FRAS1: variants seen among roughly 807,000 people sequenced by gnomAD.
The protein encoded by FRAS1 is extracellular matrix organizing protein FRAS1.
FRAS1 carries 290 observed loss-of-function variants against 435.2 expected under a neutral mutation model. The observed-to-expected ratio is 0.67, with a 90% CI of 0.61 to 0.73. The LOEUF (loss-of-function observed/expected upper bound fraction) is 0.73. Among genes scored for constraint, FRAS1 ranks in the 30% least tolerant of loss-of-function variants. The probability of loss-of-function intolerance (pLI) is 0.00; values close to 1 mark genes in which losing one functional copy is unlikely to be tolerated. For synonymous variants in FRAS1, 1,800 were observed against 1,851.0 expected, an observed-to-expected ratio of 0.97 and a Z score of 0.71; for missense variants, 4,860 against 5,001.5, an observed-to-expected ratio of 0.97 and a Z score of 0.85.
intron 61 of FRAS1, among the ~76,000 whole-genome samples, chr4:78,503,867 C>A (rs1333512594): frequency 6.6e-6 from 1 of 152,142 alleles, no homozygotes; most frequent in African/African-American, 2.4e-5. Flanking sequence ...TATAAATTTC[C>A]CTCTACACAC....
At chr4:78,094,918 TG>T (rs1011249708) in intron 2 of FRAS1, among the ~76,000 whole-genome samples, 22 of 152,120 alleles carry the variant, frequency 1.4e-4, no homozygotes, top group Non-Finnish European at 2.4e-4. Flanking sequence ...GGGGGCACTG[TG>T]GGGAATTAAG....
intron 22 of FRAS1, 58 bp downstream of exon 22, chr4:78,364,112 A>G (rs1305581320): frequency 2.6e-6 from 4 of 1,517,012 alleles, no homozygotes; most frequent in East Asian, 2.5e-5. Context: ...TTCTGGAGCC[A>G]TTGAAAGAAA....
intron 2 of FRAS1, among the ~76,000 whole-genome samples, chr4:78,092,478 C>T (rs188557799): frequency 6.6e-6 from 1 of 152,300 alleles, no homozygotes; most frequent in East Asian, 1.9e-4. Flanking sequence ...TGCAGAGAAA[C>T]TCCTGTTTTT....
At position 78,420,880 on chromosome 4, in the gene FRAS1, AT is replaced by A. The variant is rs1733754466; in HGVS notation, c.4541-982del. 8.7e-4 allele frequency among the ~76,000 whole-genome samples: 3 copies of A among 3,466 alleles called. No homozygotes were observed. In the East Asian group the frequency reaches 0.015, roughly 17 times the overall value. The allele number at this position is 3,466 out of a possible 152,430, so 2.3% of individuals were successfully genotyped here. ...TCTAGAGGGACAGAACTAATAGGAC[AT>A]ATATATATATATATATATATATATA... On this transcript the variant is annotated intron_variant, in intron 33 of 73. Coordinates refer to ENST00000512123, the MANE Select transcript of FRAS1 (RefSeq NM_025074.7).
At chr4:78,252,669 G>C in intron 5 of FRAS1, 118 bp downstream of exon 5, 3 of 1,015,160 alleles carry the variant, frequency 3.0e-6, no homozygotes, top group African/African-American at 1.6e-5. Context: ...AATGTTGGCT[G>C]GTCTGAGAAA....
At chr4:78,446,553 C>T in intron 42 of FRAS1, 174 bp from the exon 43 acceptor site, 1 of 1,372,868 alleles carries the variant, frequency 7.3e-7, no homozygotes, top group South Asian at 1.9e-5. Flanking sequence ...ATTTTGTTGC[C>T]TGGACTTGCT....
At chr4:78,271,611 A>G (rs1442794046) in intron 9 of FRAS1, among the ~76,000 whole-genome samples, 1 of 152,214 alleles carries the variant, frequency 6.6e-6, no homozygotes, top group Non-Finnish European at 1.5e-5. Flanking sequence ...GATGGTTTCC[A>G]GCTTCATCCA....
intron 66 of FRAS1, 90 bp from the exon 67 acceptor site, chr4:78,519,241 G>A (rs2109892300): frequency 4.4e-6 from 5 of 1,142,858 alleles, no homozygotes; most frequent in Non-Finnish European, 4.8e-6. Flanking sequence ...GACTACATGG[G>A]TGAATGAAAA....
intron 52 of FRAS1, among the ~76,000 whole-genome samples, chr4:78,472,599 A>G (rs1719742988): frequency 6.6e-6 from 1 of 152,192 alleles, no homozygotes; most frequent in Non-Finnish European, 1.5e-5. Context: ...GTTTTCTGGA[A>G]AAGAATGCAT....
chr4:78,309,809 A>C (rs959283070), intron 15 of FRAS1, among the ~76,000 whole-genome samples: 2 of 152,162 alleles, frequency 1.3e-5, no homozygotes, highest in African/African-American at 4.8e-5. Flanking sequence ...AAAGGTTTGA[A>C]TTGAGTTTAC....
At chr4:78,059,693 A>AG (rs1385349083) in intron 1 of FRAS1, among the ~76,000 whole-genome samples, 4 of 151,894 alleles carry the variant, frequency 2.6e-5, no homozygotes, top group Non-Finnish European at 5.9e-5. Context: ...ATAGCTCACC[A>AG]GGGGGCAGTT....
intron 2 of FRAS1, among the ~76,000 whole-genome samples, chr4:78,152,396 C>T (rs1333421905): frequency 6.6e-6 from 1 of 152,002 alleles, no homozygotes; most frequent in Non-Finnish European, 1.5e-5. Context: ...ACCAGCATGC[C>T]TTTGTTTAGG....
chr4:78,513,141 G>A (rs1166030308), intron 64 of FRAS1, among the ~76,000 whole-genome samples: 3 of 147,622 alleles, frequency 2.0e-5, no homozygotes, highest in Admixed American at 6.7e-5. Context: ...ATCTTTTCCT[G>A]TATAGAAAAA....
At chr4:78,420,918 A>ATATATATATATT (rs1167974462) in intron 33 of FRAS1, among the ~76,000 whole-genome samples, 9 of 118,912 alleles carry the variant, frequency 7.6e-5, no homozygotes, top group African/African-American at 3.0e-4. Flanking sequence ...ATATATATAT[A>ATATATATATATT]TATTTATATA....
chr4:78,209,218 G>A (rs140306372), intron 2 of FRAS1, among the ~76,000 whole-genome samples: 7 of 152,202 alleles, frequency 4.6e-5, no homozygotes, highest in African/African-American at 1.7e-4. Flanking sequence ...GTACTGAAAA[G>A]AGGAAAGTGA....
chr4:78,125,931 T>C (rs546194494), intron 2 of FRAS1, among the ~76,000 whole-genome samples: 48 of 152,230 alleles, frequency 3.2e-4, no homozygotes, highest in African/African-American at 1.1e-3. Context: ...GGCAGGGACG[T>C]TTAAGTCTGG....
Position 78,432,559 on chromosome 4 carries a change from C to A in FRAS1, c.5172C>A (p.Ala1724=). Residue 1724 remains alanine, a synonymous_variant, in exon 38 of 74, where the codon GCC becomes GCA. Transcript: ENST00000512123. ...GCTCCTCTCTGAGCATTACTGTTGC[C>A]AGTAAAAGCACAGCCATAATCACTA... ...AAGSSLSITV[A]SKSTAIITRS... 6.2e-7 allele frequency: 1 copy of A among 1,609,934 alleles called. No homozygotes were observed. Among genetic ancestry groups the A allele is most frequent in the Non-Finnish European group, 8.5e-7 (1 of 1,177,734 alleles).
At chr4:78,435,919 A>C (rs779404102) in intron 38 of FRAS1, among the ~76,000 whole-genome samples, 2 of 152,170 alleles carry the variant, frequency 1.3e-5, no homozygotes, top group Non-Finnish European at 2.9e-5. Context: ...CCATAAGTAA[A>C]ATTTTACAAA....
At chr4:78,479,273 T>C (rs1271323499) in intron 55 of FRAS1, 101 bp from the exon 56 acceptor site, 1 of 666,632 alleles carries the variant, frequency 1.5e-6, no homozygotes, top group Non-Finnish European at 2.3e-6. Context: ...GAAATAGTGA[T>C]GGACTGTTTG....
Sources: gnomAD v4.1 joint callset for allele counts (sites outside exome capture counted in the v4.1 genomes callset) on GRCh38, gnomAD v4.1.1 for gene constraint, MANE v1.5 for transcripts, NCBI Gene and HGNC (gene_info 2026-07-23, HGNC 2026-07-21) for gene names.